PDE7B: variants seen among roughly 807,000 people sequenced by gnomAD.
PDE7B encodes the protein 3',5'-cyclic-AMP phosphodiesterase 7B.
A neutral mutation model predicts 56.2 loss-of-function variants in PDE7B; 29 were observed. The observed-to-expected ratio is 0.52, with a 90% CI of 0.38 to 0.70. The LOEUF (loss-of-function observed/expected upper bound fraction) is 0.70, where lower values mean the gene tolerates loss of function less well. Ranked by LOEUF, PDE7B falls within the 30% of genes least tolerant of loss-of-function variation. The probability of loss-of-function intolerance (pLI) is 0.00; values close to 1 mark genes in which losing one functional copy is unlikely to be tolerated. For missense variants in PDE7B, 490 were observed against 565.0 expected, an observed-to-expected ratio of 0.87 and a Z score of 1.35; for synonymous variants, 197 against 196.9, an observed-to-expected ratio of 1.00 and a Z score of 0.00.
chr6:135,922,909 C>T (rs1774113389), intron 1 of PDE7B, among the ~76,000 whole-genome samples: 3 of 152,092 alleles, frequency 2.0e-5, no homozygotes, highest in South Asian at 4.1e-4. Flanking sequence ...TATGACTTTA[C>T]GATTTGTTCC....
At chr6:135,863,000 A>G (rs774107438) in intron 1 of PDE7B, among the ~76,000 whole-genome samples, 3 of 151,914 alleles carry the variant, frequency 2.0e-5, no homozygotes, top group African/African-American at 4.8e-5. Flanking sequence ...GTTTCCTAGT[A>G]TAATTCTACT....
At chr6:136,023,771 T>C (rs1447975356) in intron 2 of PDE7B, among the ~76,000 whole-genome samples, 6 of 152,076 alleles carry the variant, frequency 3.9e-5, no homozygotes, top group African/African-American at 1.4e-4. Flanking sequence ...GATACAGATA[T>C]AGATATCAAT....
At chr6:136,007,652 TG>T (rs1280368119) in intron 2 of PDE7B, among the ~76,000 whole-genome samples, 2 of 147,554 alleles carry the variant, frequency 1.4e-5, no homozygotes, top group African/African-American at 5.0e-5. Flanking sequence ...CCTTTCTTGG[TG>T]AAAAAAAAAA....
chr6:135,925,011 T>C (rs1295647181), intron 1 of PDE7B, among the ~76,000 whole-genome samples: 1 of 146,278 alleles, frequency 6.8e-6, no homozygotes, highest in Non-Finnish European at 1.5e-5. Context: ...TTTTTTTTTT[T>C]GTAAAATGGG....
chr6:136,076,833 A>G (rs1342814486), intron 2 of PDE7B, among the ~76,000 whole-genome samples: 1 of 152,160 alleles, frequency 6.6e-6, no homozygotes, highest in Non-Finnish European at 1.5e-5. Context: ...GGTCATGGGA[A>G]TGAAGGCAAA....
chr6:136,135,838 T>C (rs1179699203), intron 3 of PDE7B, among the ~76,000 whole-genome samples: 2 of 152,116 alleles, frequency 1.3e-5, no homozygotes, highest in Non-Finnish European at 2.9e-5. Context: ...TCGAAGTGTT[T>C]AATACATTGA....
intron 1 of PDE7B, among the ~76,000 whole-genome samples, chr6:135,919,498 C>T (rs896434948): frequency 1.3e-5 from 2 of 152,218 alleles, no homozygotes; most frequent in Non-Finnish European, 2.9e-5. Context: ...TCCCTACAAC[C>T]ACATATAGAT....
chr6:136,189,648 A>G (rs1381038167), intron 12 of PDE7B, among the ~76,000 whole-genome samples: 1 of 152,188 alleles, frequency 6.6e-6, no homozygotes, highest in East Asian at 1.9e-4. Context: ...ATAGAAGGCT[A>G]AAGAGAAAGA....
chr6:135,989,123 T>G (rs928693910), intron 2 of PDE7B, among the ~76,000 whole-genome samples: 1 of 152,182 alleles, frequency 6.6e-6, no homozygotes, highest in Non-Finnish European at 1.5e-5. Flanking sequence ...TTAAGTTCTA[T>G]GTAATTAAAC....
At chr6:136,110,712 ATTTT>A (rs10708902) in intron 3 of PDE7B, among the ~76,000 whole-genome samples, 2 of 126,810 alleles carry the variant, frequency 1.6e-5, no homozygotes, top group Non-Finnish European at 1.7e-5. Context: ...ATTCTGCAAC[ATTTT>A]TTTTTTTTTT....
intron 2 of PDE7B, among the ~76,000 whole-genome samples, chr6:136,025,300 C>T (rs1198330914): frequency 6.6e-6 from 1 of 152,082 alleles, no homozygotes; most frequent in Non-Finnish European, 1.5e-5. Context: ...CAGAATATAC[C>T]AAATTTCCAT....
intron 2 of PDE7B, among the ~76,000 whole-genome samples, chr6:136,017,584 T>C (rs770568056): frequency 1.3e-5 from 2 of 149,610 alleles, no homozygotes; most frequent in Non-Finnish European, 3.0e-5. Flanking sequence ...AGTAAGAACA[T>C]GCGGTGTTTG....
chr6:135,949,100 A>T (rs1453470964), intron 2 of PDE7B, among the ~76,000 whole-genome samples: 2 of 152,086 alleles, frequency 1.3e-5, no homozygotes, highest in Non-Finnish European at 2.9e-5. Flanking sequence ...TTCATTTTAT[A>T]AATAAGGAAA....
chr6:136,043,899 C>T (rs564425198), intron 2 of PDE7B: 1 of 152,274 alleles, frequency 6.6e-6, no homozygotes, highest in African/African-American at 2.4e-5. Context: ...CAGAGAAAAT[C>T]CAGATTCTTT....
At chr6:136,010,974 A>G (rs1775882857) in intron 2 of PDE7B, among the ~76,000 whole-genome samples, 1 of 152,214 alleles carries the variant, frequency 6.6e-6, no homozygotes, top group Non-Finnish European at 1.5e-5. Flanking sequence ...GTGGGAAATT[A>G]CATGCTCTCT....
chr6:135,877,911 T>G (rs1775531029), intron 1 of PDE7B, among the ~76,000 whole-genome samples: 2 of 152,164 alleles, frequency 1.3e-5, no homozygotes, highest in South Asian at 4.1e-4. Flanking sequence ...GCTCGTATAT[T>G]TATACACCCT....
intron 3 of PDE7B, among the ~76,000 whole-genome samples, chr6:136,146,868 T>C (rs1214978318): frequency 6.6e-6 from 1 of 152,202 alleles, no homozygotes; most frequent in Non-Finnish European, 1.5e-5. Flanking sequence ...TTAGTAAATG[T>C]AATATATAAG....
chr6:135,869,020 T>G (rs1309270208), intron 1 of PDE7B, among the ~76,000 whole-genome samples: 3 of 152,160 alleles, frequency 2.0e-5, no homozygotes, highest in Non-Finnish European at 4.4e-5. Flanking sequence ...GATCATCTTT[T>G]GGCCAAAAAA....
chr6:136,181,210 G>T lies in PDE7B; in HGVS notation c.949-17G>T, dbSNP rs564314134. 2 of 1,587,014 alleles carry T rather than the reference G, an allele frequency of 1.3e-6. No homozygotes were observed. The highest frequency in any genetic ancestry group is 1.7e-6 in the Non-Finnish European group (2 of 1,155,620). ...GAACATCCTCTCACAATTTCTCCCC[G>T]CCCTGTCATTTCTCAGATCGCCTTG... is the stretch of plus-strand genomic sequence containing the variant. On this transcript the variant is annotated splice_polypyrimidine_tract_variant and intron_variant, in intron 10 of 12. Coordinates refer to ENST00000308191, the MANE Select transcript of PDE7B (RefSeq NM_018945.4).
Sources: allele counts gnomAD v4.1 joint callset (sites outside exome capture counted in the v4.1 genomes callset), GRCh38; gene constraint gnomAD v4.1.1; transcripts MANE v1.5; gene names NCBI Gene and HGNC (gene_info 2026-07-23, HGNC 2026-07-21).